Variants in NFATC1 observed in about 807,000 individuals in gnomAD.
The protein encoded by NFATC1 is nuclear factor of activated T cells 1, also known as nuclear factor of activated T-cells, cytoplasmic 1.
Under a neutral mutation model 76.0 loss-of-function variants are expected in NFATC1, and 22 were observed. The observed-to-expected ratio is 0.29, with a 90% confidence interval of 0.21 to 0.41. NFATC1 has a LOEUF of 0.41. NFATC1 is among the 10% of genes least tolerant of loss of function. The probability of loss-of-function intolerance (pLI) is 1.00; values close to 1 mark genes in which losing one functional copy is unlikely to be tolerated. For missense variants in NFATC1, 1,357 were observed against 1,337.7 expected, an observed-to-expected ratio of 1.01 and a Z score of -0.23; for synonymous variants, 704 against 613.1, an observed-to-expected ratio of 1.15 and a Z score of -2.19.
chr18:79,452,371 G>A lies in NFATC1; in HGVS notation c.1903+555G>A, dbSNP rs1287698074. On this transcript the variant is annotated intron_variant, in intron 6 of 9. Transcript: ENST00000427363. Reference sequence around the variant, plus strand: ...GGTCACCCCTGCCTCCAGGTGTTGCGCTGGCCCAGCCTGGAGGCTCCGGGG... The same window carrying A: ...GGTCACCCCTGCCTCCAGGTGTTGCACTGGCCCAGCCTGGAGGCTCCGGGG... Among the ~76,000 whole-genome samples, 8 of 152,208 alleles carry A rather than the reference G, an allele frequency of 5.3e-5. No individual in the cohort carries two copies. In the East Asian group the frequency reaches 1.3e-3, roughly 26 times the overall value.
rs948863205 is a variant in NFATC1 at position 79,520,148 on chromosome 18, AGCCC to A, written c.2783-7379_2783-7376del. 3.3e-5 allele frequency among the ~76,000 whole-genome samples: 5 copies of A among 152,316 alleles called. No homozygotes were observed. The East Asian group carries it at 9.7e-4, about 30-fold the overall frequency. ...GGGTCTGCAGGGGGAAACTTGACGG[AGCCC>A]ATCAGGCGACAGCCTTCTCGAAGCC... On this transcript the variant is annotated intron_variant, in intron 9 of 9. Coordinates refer to ENST00000427363, the MANE Select transcript of NFATC1 (RefSeq NM_001278669.2).
chr18:79,413,784 C>T (rs2085781088), intron 2 of NFATC1, among the ~76,000 whole-genome samples: 1 of 152,178 alleles, frequency 6.6e-6, no homozygotes, highest in Admixed American at 6.5e-5. Flanking sequence ...AGGCACAGCC[C>T]CTCCTGTCCA....
Position 79,486,793 on chromosome 18 carries a change from T to A in NFATC1, c.2638T>A (p.Ser880Thr). ...CACGGGCCGCCCGCAGCACCTGCCG[T>A]CCACGGTCCGCAGGGACGAGTCTCC... Reference protein sequence around the residue: ...PATGRPQHLPSTVRRDESPTA... With the variant: ...PATGRPQHLPTTVRRDESPTA... Residue 880 changes from serine (S) to threonine (T), a missense_variant, in exon 9 of 10, where the codon TCC (serine) becomes ACC (threonine). Ser to Thr is a moderately conservative substitution (Grantham distance 58). Transcript: ENST00000427363. 6.2e-7 allele frequency: 1 copy of A among 1,610,392 alleles called. No individual in the cohort carries two copies. The highest frequency in any genetic ancestry group is 8.5e-7 in the Non-Finnish European group (1 of 1,178,860).
chr18:79,451,139 C>A lies in NFATC1; in HGVS notation c.1762+13C>A, dbSNP rs1350509208. On this transcript the variant is annotated intron_variant, in intron 5 of 9. Transcript: ENST00000427363. ...CCCATCGAATGCTGTAAGTGGACGT[C>A]CACGCGCCCACAGGGGAGGAAACCG... 2 of 1,600,952 alleles carry A rather than the reference C, an allele frequency of 1.2e-6. No homozygotes were observed. Among genetic ancestry groups the A allele is most frequent in the East Asian group, 2.2e-5 (1 of 44,534 alleles).
chr18:79,411,458 C>A lies in NFATC1; in HGVS notation c.1183C>A (p.Gln395Lys). ...QYLAVPQHPY[Q>K]WAKPKPLSPT... ...CCTGGCGGTGCCGCAGCACCCCTAC[C>A]AGTGGGCGAAGCCCAAGCCCCTGTC... The change falls in exon 2 of 10, where the codon CAG (glutamine) becomes AAG (lysine). Residue 395 changes from glutamine (Q) to lysine (K), a missense_variant. By Grantham distance (53) the Gln-to-Lys change is moderately conservative. Transcript: ENST00000427363. The A allele has an allele frequency of 2.0e-6, 3 of 1,510,532 alleles. No individual in the cohort carries two copies. Among genetic ancestry groups the A allele is most frequent in the Admixed American group, 4.6e-5 (2 of 43,212 alleles). 93.6% of individuals were successfully genotyped at this position (1,510,532 alleles called of 1,614,324 possible). A position where few individuals can be genotyped will look rare whatever the true frequency, so the allele number is the denominator to read the frequency against.
In NFATC1 at chr18:79,411,374, G is replaced by A. The variant is rs181064956; in HGVS notation, c.1099G>A (p.Ala367Thr). Residue 367 changes from alanine (A) to threonine (T), a missense_variant, in exon 2 of 10, where the codon GCG becomes ACG. Around this residue, in one of 3 missense-constraint regions of NFATC1, gnomAD observed 691 missense variants for 613.1 expected, o/e 1.13. Coordinates refer to ENST00000427363, the MANE Select transcript of NFATC1 (RefSeq NM_001278669.2). ...CAGCCCCCCGCCCCCGGCCGACTTCGCGCCCGAAGACTACTCCTCTTTCCA... is the reference window on the plus strand; with the variant it reads ...CAGCCCCCCGCCCCCGGCCGACTTCACGCCCGAAGACTACTCCTCTTTCCA... ...LGSPPPPADF[A>T]PEDYSSFQHI... 4.9e-5 allele frequency: 78 copies of A among 1,585,638 alleles called. 1 individual carries two copies. The highest frequency in any genetic ancestry group is 3.4e-4 in the Middle Eastern group (2 of 5,904).
At chr18:79,400,495 A>AGGGCGCGGG (rs1209816042) in intron 1 of NFATC1, 4 of 1,424,954 alleles carry the variant, frequency 2.8e-6, no homozygotes, top group Non-Finnish European at 3.7e-6. Context: ...TCAGTCCCGG[A>AGGGCGCGGG]GGGCGCGGGG....
intron 2 of NFATC1, among the ~76,000 whole-genome samples, chr18:79,428,109 T>TG (rs201551189): frequency 0.012 from 536 of 43,912 alleles, 16 homozygotes; most frequent in Admixed American, 0.077. Flanking sequence ...TGCGGTGGGT[T>TG]GGGGGGGCCT....
chr18:79,501,391 C>T (rs8084818), intron 9 of NFATC1, among the ~76,000 whole-genome samples: 9,809 of 152,252 alleles, frequency 0.064, 417 homozygotes, highest in Admixed American at 0.097. Context: ...TCGTCCAAGA[C>T]GGAGGACCTT....
chr18:79,453,409 G>C (rs1357757155), intron 6 of NFATC1, among the ~76,000 whole-genome samples: 1 of 152,240 alleles, frequency 6.6e-6, no homozygotes, highest in Non-Finnish European at 1.5e-5. Flanking sequence ...GGCGCCATGG[G>C]TAAGGGCAGC....
intron 8 of NFATC1, among the ~76,000 whole-genome samples, chr18:79,473,385 A>G (rs1162459504): frequency 1.3e-5 from 2 of 152,172 alleles, no homozygotes; most frequent in Admixed American, 6.5e-5. Context: ...CTTACTGTCA[A>G]CGTTGCGAGG....
chr18:79,499,399 A>G (rs2089967298), intron 9 of NFATC1, among the ~76,000 whole-genome samples: 1 of 152,278 alleles, frequency 6.6e-6, no homozygotes, highest in African/African-American at 2.4e-5. Flanking sequence ...ATGATACACT[A>G]GAAAATATGT....
intron 8 of NFATC1, among the ~76,000 whole-genome samples, chr18:79,483,639 A>C (rs2089395021): frequency 8.4e-6 from 1 of 119,720 alleles, no homozygotes; most frequent in Non-Finnish European, 1.7e-5. Flanking sequence ...CTCTGGCGTG[A>C]CCTGGTCCTG....
At position 79,465,778 on chromosome 18, in the gene NFATC1, G is replaced by A. The variant is rs1317871393; in HGVS notation, c.1960-1672G>A. 1.3e-5 allele frequency among the ~76,000 whole-genome samples: 2 copies of A among 151,194 alleles called. No homozygotes were observed. The highest frequency in any genetic ancestry group is 2.9e-5 in the Non-Finnish European group (2 of 68,042). The stretch of plus-strand genomic sequence containing the variant: ...TTCAGAAAACAGCCTTGGAGGAAGC[G>A]TCTCTTTATCCCCCGTACAAATGCC... On this transcript the variant is annotated intron_variant, in intron 7 of 9. Transcript: ENST00000427363. This position sits in a 1 kb window ranked among gnomAD's most constrained non-coding sequence, Gnocchi z 4.2.
chr18:79,400,791 C>T (rs1214328832), intron 1 of NFATC1, among the ~76,000 whole-genome samples: 1 of 132,076 alleles, frequency 7.6e-6, no homozygotes, highest in African/African-American at 3.0e-5. Context: ...ACACCCTCTC[C>T]CCGCCCCGCG....
chr18:79,429,288 T>C (rs1209975963), intron 2 of NFATC1, among the ~76,000 whole-genome samples: 1 of 149,190 alleles, frequency 6.7e-6, no homozygotes, highest in Non-Finnish European at 1.5e-5. Flanking sequence ...TCTGTGGGCG[T>C]CGGTCACCGT....
intron 9 of NFATC1, among the ~76,000 whole-genome samples, chr18:79,500,775 A>T (rs1454173409): frequency 6.6e-6 from 1 of 152,222 alleles, no homozygotes; most frequent in Admixed American, 6.5e-5. Flanking sequence ...CTTAGACACG[A>T]ATTACCTAAA....
At chr18:79,433,882 C>A (rs964101495) in intron 3 of NFATC1, 144 bp downstream of exon 3, 12 of 914,978 alleles carry the variant, frequency 1.3e-5, no homozygotes, top group Non-Finnish European at 1.9e-5. Flanking sequence ...GGCTGCTCAC[C>A]GCCTCTGAGC....
intron 9 of NFATC1, 49 bp downstream of exon 9, chr18:79,486,986 G>T (rs377633264): frequency 6.5e-7 from 1 of 1,532,864 alleles, no homozygotes; most frequent in Non-Finnish European, 8.8e-7. Flanking sequence ...GCGCCATGGC[G>T]TGAGCTCATG....
Sources: allele counts gnomAD v4.1 joint callset (sites outside exome capture counted in the v4.1 genomes callset), GRCh38; gene constraint gnomAD v4.1.1; regional missense constraint gnomAD v4.1.1; non-coding constraint Gnocchi (gnomAD v3.1); transcripts MANE v1.5; gene names NCBI Gene and HGNC (gene_info 2026-07-23, HGNC 2026-07-21).